Variants in PDCD11 observed in about 807,000 individuals in gnomAD.
PDCD11 encodes the protein programmed cell death 11, also known as protein RRP5 homolog.
Under a neutral mutation model 198.9 loss-of-function variants are expected in PDCD11, and 97 were observed. The ratio of observed to expected loss-of-function variants is 0.49; its 90% confidence interval spans 0.41 to 0.58. The LOEUF (loss-of-function observed/expected upper bound fraction) is 0.58. PDCD11 is among the 20% of genes least tolerant of loss of function. PDCD11 has a pLI of 0.00. For missense variants in PDCD11, 2,102 were observed against 2,312.7 expected (o/e 0.91, Z 1.87); for synonymous variants, 893 against 918.0 (o/e 0.97, Z 0.49).
intron 9 of PDCD11, among the ~76,000 whole-genome samples, 193 bp from the exon 10 acceptor site, chr10:103,413,773 A>G (rs1056182698): frequency 1.3e-5 from 2 of 152,350 alleles, no homozygotes; most frequent in Non-Finnish European, 2.9e-5. Context: ...TGTGTTCTGG[A>G]CTTTCCCTGA....
At chr10:103,442,892 A>G (rs191644296) in intron 32 of PDCD11, among the ~76,000 whole-genome samples, 1 of 152,354 alleles carries the variant, frequency 6.6e-6, no homozygotes, top group East Asian at 1.9e-4. Context: ...CGTCCAGCCC[A>G]AACCTCAGGC....
chr10:103,406,803 G>A lies in PDCD11; in HGVS notation c.870+13G>A, dbSNP rs201280771. On this transcript the variant is annotated intron_variant, in intron 7 of 35. Coordinates refer to ENST00000369797, the MANE Select transcript of PDCD11 (RefSeq NM_014976.2). ...TCAGGTACAGAAGGTAAGCTGTTAT[G>A]CTACTACTACTTTTTAAAATAAAAA... 1 of 1,580,296 alleles carries A rather than the reference G, an allele frequency of 6.3e-7. No individual in the cohort carries two copies. Among genetic ancestry groups the A allele is most frequent in the African/African-American group, 1.4e-5 (1 of 73,492 alleles).
At chr10:103,420,136 C>T (rs1200864888) in intron 16 of PDCD11, among the ~76,000 whole-genome samples, 1 of 151,924 alleles carries the variant, frequency 6.6e-6, no homozygotes, top group Non-Finnish European at 1.5e-5. Flanking sequence ...TCAGGGGTAC[C>T]TCTTAAGGTG....
chr10:103,403,136 C>T lies in PDCD11; in HGVS notation c.253C>T (p.Arg85Cys), dbSNP rs370326014. The change falls in exon 4 of 36, where the codon CGT becomes TGT. Residue 85 changes from arginine (R) to cysteine (C), a missense_variant. Transcript: ENST00000369797. ...LSVESLCEGM[R>C]ILGCVKEVNE... is the part of the protein sequence containing the mutation. ...CTTCTAGTCCCTGTGTGAGGGAATG[C>T]GTATTTTGGGTTGCGTGAAAGAGGT... is the stretch of plus-strand genomic sequence containing the variant. 1.4e-4 allele frequency: 229 copies of T among 1,613,882 alleles called. No individual in the cohort carries two copies. Among genetic ancestry groups the T allele is most frequent in the Non-Finnish European group, 1.8e-4 (213 of 1,179,936 alleles).
At chr10:103,434,121 T>G in intron 23 of PDCD11, 84 bp downstream of exon 23, 2 of 1,259,070 alleles carry the variant, frequency 1.6e-6, no homozygotes, top group Non-Finnish European at 2.3e-6. Context: ...TACAGTGGAT[T>G]TGAGGAAGCT....
chr10:103,404,891 G>C (rs1358641029), intron 4 of PDCD11, 131 bp from the exon 5 acceptor site: 5 of 721,372 alleles, frequency 6.9e-6, no homozygotes, highest in Non-Finnish European at 1.1e-5. Context: ...TGTGGATGGG[G>C]GGTTATTCCT....
intron 5 of PDCD11, chr10:103,405,430 G>A: frequency 3.1e-6 from 1 of 327,022 alleles, no homozygotes. Flanking sequence ...TTGAGTCGGA[G>A]TTTCGCTGTT....
Position 103,440,407 on chromosome 10 carries a change from A to T in PDCD11, c.4266A>T (p.Thr1422=). 1.9e-6 allele frequency: 3 copies of T among 1,614,234 alleles called. No homozygotes were observed. The highest frequency in any genetic ancestry group is 2.5e-6 in the Non-Finnish European group (3 of 1,180,036). ...GQLTKQEERK[T]EAEERDQKGE... is the part of the protein sequence containing the mutation. ...TTACAAAGCAAGAGGAGAGGAAAAC[A>T]GAGGCTGAGGAGAGAGACCAAAAAG... The change falls in exon 29 of 36, where the codon ACA becomes ACT. Residue 1422 remains threonine (T), a synonymous_variant. Transcript: ENST00000369797.
chr10:103,396,819 G>A (rs911070303), intron 1 of PDCD11, 89 bp downstream of exon 1: 3 of 152,362 alleles, frequency 2.0e-5, no homozygotes, highest in African/African-American at 7.2e-5. Context: ...CACGCTAGAT[G>A]AGTGTGGTTC....
chr10:103,432,210 G>T lies in PDCD11; in HGVS notation c.3450G>T (p.Gln1150His), dbSNP rs140882275. 5 of 1,612,952 alleles carry T rather than the reference G, an allele frequency of 3.1e-6. No individual in the cohort carries two copies. The African/African-American group carries it at 4.0e-5, about 13-fold the overall frequency. The change falls in exon 22 of 36, where the codon CAG becomes CAT. Residue 1150 changes from glutamine (Q) to histidine (H), a missense_variant. Physicochemically the swap from Gln to His is conservative, Grantham distance 24. Transcript: ENST00000369797. Reference sequence around the variant, plus strand: ...AGATTAAACAGTACCAGGCCGGCCAGACTGTTACTTGCTTCTTAAAGAAAG... The same window carrying T: ...AGATTAAACAGTACCAGGCCGGCCATACTGTTACTTGCTTCTTAAAGAAAG... ...MEKIKQYQAGQTVTCFLKKYN... is the reference protein window; with the variant it reads ...MEKIKQYQAGHTVTCFLKKYN...
Position 103,445,790 on chromosome 10 carries a change from T to A in PDCD11, c.*241T>A, listed in dbSNP as rs1047668515. 10 of 455,126 alleles carry A rather than the reference T, an allele frequency of 2.2e-5. No individual in the cohort carries two copies. The highest frequency in any genetic ancestry group is 4.0e-5 in the Non-Finnish European group (10 of 250,540). 28.2% of individuals were successfully genotyped at this position (455,126 alleles called of 1,614,324 possible). A position where few individuals can be genotyped will look rare whatever the true frequency, so the allele number is the denominator to read the frequency against. ...TCCTTATCTGAGGCTACCTGGGGAT[T>A]GTGGGCAGCAGGCCCCTGGACTCCC... On this transcript the variant is annotated 3_prime_UTR_variant, in exon 36 of 36. Coordinates refer to ENST00000369797, the MANE Select transcript of PDCD11 (RefSeq NM_014976.2).
intron 13 of PDCD11, among the ~76,000 whole-genome samples, chr10:103,417,228 A>G (rs1243881058): frequency 4.6e-5 from 7 of 151,564 alleles, no homozygotes; most frequent in African/African-American, 1.2e-4. Flanking sequence ...CTGGAGTGCA[A>G]TGGCGTGATC....
intron 22 of PDCD11, 86 bp downstream of exon 22, chr10:103,432,320 A>G (rs2031970659): frequency 2.1e-6 from 2 of 953,946 alleles, no homozygotes; most frequent in Non-Finnish European, 3.4e-6. Flanking sequence ...CCATTAGCAG[A>G]GAAAGGCATT....
In PDCD11 at chr10:103,405,049, T is replaced by C; in HGVS notation, c.430T>C (p.Ser144Pro). ...KDLLHLPELFSPGMLVRCVVS... is the reference protein window; with the variant it reads ...KDLLHLPELFPPGMLVRCVVS... ...CCTACTTCACTTGCCTGAACTTTTC[T>C]CACCTGGAATGCTGGTAAGATGTGT... The change falls in exon 5 of 36, where the codon TCA (serine) becomes CCA (proline). Residue 144 changes from serine (S) to proline (P), a missense_variant. Ser to Pro is a moderately conservative substitution (Grantham distance 74). Coordinates refer to ENST00000369797, the MANE Select transcript of PDCD11 (RefSeq NM_014976.2). 6.2e-7 allele frequency: 1 copy of C among 1,614,086 alleles called. No homozygotes were observed. Among genetic ancestry groups the C allele is most frequent in the South Asian group, 1.1e-5 (1 of 91,084 alleles).
In PDCD11 at chr10:103,419,654, C is replaced by T; in HGVS notation, c.2223C>T (p.Asp741=). ...LLIGFVKSIK[D]YGVFIQFPSG... ...TTGGTTTTGTGAAGAGCATCAAGGACTATGGCGTGTTCATCCAGTTCCCCT... is the reference window on the plus strand; with the variant it reads ...TTGGTTTTGTGAAGAGCATCAAGGATTATGGCGTGTTCATCCAGTTCCCCT... The change falls in exon 16 of 36, where the codon GAC becomes GAT. Residue 741 remains aspartate, a synonymous_variant. Transcript: ENST00000369797. 6.2e-7 allele frequency: 1 copy of T among 1,614,184 alleles called. No homozygotes were observed. Among genetic ancestry groups the T allele is most frequent in the Non-Finnish European group, 8.5e-7 (1 of 1,180,016 alleles).
At position 103,419,666 on chromosome 10, in the gene PDCD11, C is replaced by G. The variant is rs1245160329; in HGVS notation, c.2235C>G (p.Phe745Leu). 1.9e-6 allele frequency: 3 copies of G among 1,614,146 alleles called. No individual in the cohort carries two copies. The highest frequency in any genetic ancestry group is 2.2e-5 in the South Asian group (2 of 91,062). The change falls in exon 16 of 36, where the codon TTC (phenylalanine) becomes TTG (leucine). Residue 745 changes from phenylalanine to leucine, a missense_variant. Physicochemically the swap from Phe to Leu is conservative, Grantham distance 22. Coordinates refer to ENST00000369797, the MANE Select transcript of PDCD11 (RefSeq NM_014976.2). ...FVKSIKDYGV[F>L]IQFPSGLSGL... is the part of the protein sequence containing the mutation. ...AGAGCATCAAGGACTATGGCGTGTT[C>G]ATCCAGTTCCCCTCAGGTCTTAGCG... is the stretch of plus-strand genomic sequence containing the variant.
chr10:103,434,435 G>A, intron 24 of PDCD11, 85 bp downstream of exon 24: 1 of 847,546 alleles, frequency 1.2e-6, no homozygotes, highest in Non-Finnish European at 2.0e-6. Flanking sequence ...TTGAGTTGGA[G>A]GACCCCTTCG....
intron 21 of PDCD11, among the ~76,000 whole-genome samples, chr10:103,427,772 G>A (rs951125311): frequency 6.6e-6 from 1 of 152,112 alleles, no homozygotes; most frequent in East Asian, 1.9e-4. Flanking sequence ...GCTGGAGGCT[G>A]AATAGGAATT....
chr10:103,434,941 C>T lies in PDCD11; in HGVS notation c.3811C>T (p.Pro1271Ser), dbSNP rs2032088900. The change falls in exon 25 of 36, where the codon CCC becomes TCC. Residue 1271 changes from proline (P) to serine (S), a missense_variant. Transcript: ENST00000369797. ...CATGAGTGACTCCTACTCCGAGACG[C>T]CCCTGGAAGACTTCGTCCCCCAGAA... ...FHMSDSYSET[P>S]LEDFVPQKVV... The T allele has an allele frequency of 1.3e-6, 2 of 1,587,406 alleles. No individual in the cohort carries two copies. The highest frequency in any genetic ancestry group is 1.7e-6 in the Non-Finnish European group (2 of 1,166,670).
Sources: gnomAD v4.1 joint callset for allele counts (sites outside exome capture counted in the v4.1 genomes callset) on GRCh38, gnomAD v4.1.1 for gene constraint, MANE v1.5 for transcripts, NCBI Gene and HGNC (gene_info 2026-07-23, HGNC 2026-07-21) for gene names.